PSMF1: variants seen among roughly 807,000 people sequenced by gnomAD.
PSMF1 encodes the protein proteasome inhibitor PI31 subunit.
Under a neutral mutation model 29.3 loss-of-function variants are expected in PSMF1, and 30 were observed. That is an observed-to-expected ratio of 1.02 (90% CI 0.77 to 1.39). PSMF1 has a LOEUF of 1.39. PSMF1 is among the 40% of genes most tolerant of loss of function. The pLI, the probability that PSMF1 is intolerant of heterozygous loss-of-function variation, is 0.00. For synonymous variants in PSMF1, 134 were observed against 139.7 expected, an observed-to-expected ratio of 0.96 and a Z score of 0.29; for missense variants, 344 against 357.5, an observed-to-expected ratio of 0.96 and a Z score of 0.31.
At chr20:1,147,173 TCATCAC>T (rs1555763487) in intron 4 of PSMF1, among the ~76,000 whole-genome samples, 1,418 of 111,156 alleles carry the variant, frequency 0.013, 26 homozygotes, top group African/African-American at 0.046. Flanking sequence ...ATCATCATCA[TCATCAC>T]CACCCTGTGT....
upstream of PSMF1, among the ~76,000 whole-genome samples, chr20:1,117,277 C>G (rs1440721147): frequency 6.6e-6 from 1 of 151,538 alleles, no homozygotes; most frequent in Non-Finnish European, 1.5e-5. Flanking sequence ...ATGGGGAGGA[C>G]TTTACTTTTC....
chr20:1,135,035 C>A, intron 3 of PSMF1, 86 bp from the exon 4 acceptor site: 1 of 1,403,708 alleles, frequency 7.1e-7, no homozygotes, highest in East Asian at 2.3e-5. Context: ...TCAGGGCCGC[C>A]GCCGCCGCCG....
chr20:1,134,684 T>G (rs1313201671), intron 3 of PSMF1, among the ~76,000 whole-genome samples: 1 of 152,146 alleles, frequency 6.6e-6, no homozygotes, highest in Non-Finnish European at 1.5e-5. Flanking sequence ...AACTGGACCT[T>G]GAACCCCCAG....
rs1259399442 is a variant in PSMF1, at chr20:1,168,061, T to G, written c.*2981T>G. The G allele has an allele frequency of 6.6e-6, 1 of 152,236 alleles. No individual in the cohort carries two copies. Among genetic ancestry groups the G allele is most frequent in the Non-Finnish European group, 1.5e-5 (1 of 68,034 alleles). 9.4% of individuals were successfully genotyped at this position (152,236 alleles called of 1,614,324 possible). Reference sequence around the variant, plus strand: ...GTGAAGTAGCATCTCATTGTGGTCTTCTCTTCCATTTTTTAAAAAAGAATT... The same window carrying G: ...GTGAAGTAGCATCTCATTGTGGTCTGCTCTTCCATTTTTTAAAAAAGAATT... On this transcript the variant is annotated 3_prime_UTR_variant, in exon 7 of 7. Coordinates refer to ENST00000335877, the MANE Select transcript of PSMF1 (RefSeq NM_006814.5).
At chr20:1,124,599 A>G (rs1026318245) in intron 1 of PSMF1, among the ~76,000 whole-genome samples, 8 of 152,378 alleles carry the variant, frequency 5.3e-5, no homozygotes. Context: ...TCATAGCAGC[A>G]TTGTTTATAA....
At chr20:1,127,934 C>G (rs959063408) in intron 3 of PSMF1, among the ~76,000 whole-genome samples, 7 of 152,168 alleles carry the variant, frequency 4.6e-5, no homozygotes, top group East Asian at 1.9e-4. Context: ...ACCTCCTGCT[C>G]CCATACACCC....
upstream of PSMF1, among the ~76,000 whole-genome samples, chr20:1,115,199 G>T (rs1228689546): frequency 7.6e-6 from 1 of 131,926 alleles, no homozygotes; most frequent in Non-Finnish European, 1.6e-5. Flanking sequence ...TTGAACCACG[G>T]GGTGGGGGTG....
chr20:1,149,306 A>G (rs1457024214), intron 4 of PSMF1, among the ~76,000 whole-genome samples: 1 of 152,244 alleles, frequency 6.6e-6, no homozygotes, highest in Non-Finnish European at 1.5e-5. Flanking sequence ...TGAACTTGTT[A>G]TATATCTGTT....
chr20:1,135,971 T>C (rs2086300973), intron 4 of PSMF1, among the ~76,000 whole-genome samples: 1 of 152,148 alleles, frequency 6.6e-6, no homozygotes, highest in African/African-American at 2.4e-5. Context: ...ATACTGTTGG[T>C]AGGGATAAGG....
Position 1,165,433 on chromosome 20 carries a change from A to G in PSMF1, c.*353A>G, listed in dbSNP as rs1196545772. The stretch of plus-strand genomic sequence containing the variant: ...AAGAACAGAACGCATTTTGGATGTT[A>G]TTATTAAGAACCAAATGTCAATACA... On this transcript the variant is annotated 3_prime_UTR_variant, in exon 7 of 7. Coordinates refer to ENST00000335877, the MANE Select transcript of PSMF1 (RefSeq NM_006814.5). 5.4e-6 allele frequency: 6 copies of G among 1,103,414 alleles called. No individual in the cohort carries two copies. Among genetic ancestry groups the G allele is most frequent in the African/African-American group, 1.6e-5 (1 of 61,246 alleles). The allele number at this position is 1,103,414 out of a possible 1,614,324, so 68.4% of individuals were successfully genotyped here. A position where few individuals can be genotyped will look rare whatever the true frequency, so the allele number is the denominator to read the frequency against.
intron 4 of PSMF1, among the ~76,000 whole-genome samples, chr20:1,155,436 C>G (rs2086582547): frequency 6.6e-6 from 1 of 152,252 alleles, no homozygotes; most frequent in African/African-American, 2.4e-5. Flanking sequence ...TCCCTTTGTC[C>G]TCCCTCCACT....
At chr20:1,132,266 C>CT (rs796371340) in intron 3 of PSMF1, among the ~76,000 whole-genome samples, 62 of 144,586 alleles carry the variant, frequency 4.3e-4, no homozygotes, top group Middle Eastern at 3.5e-3. Flanking sequence ...TTTTTTCTTT[C>CT]TTTTTTTTTT....
In PSMF1 at chr20:1,172,002, A is replaced by G. The variant is rs1421052152; in HGVS notation, c.*6922A>G. Among the ~76,000 whole-genome samples the G allele has an allele frequency of 6.6e-6, 1 of 152,164 alleles. No homozygotes were observed. Among genetic ancestry groups the G allele is most frequent in the Non-Finnish European group, 1.5e-5 (1 of 68,028 alleles). The stretch of plus-strand genomic sequence containing the variant: ...AAGTTTGGCTTTCCCCATCTGTAAA[A>G]TGTAGATAAGGATGGACCCACCTCC... On this transcript the variant is annotated 3_prime_UTR_variant, in exon 7 of 7. Transcript: ENST00000335877.
intron 4 of PSMF1, among the ~76,000 whole-genome samples, chr20:1,153,687 T>C (rs562713840): frequency 5.6e-4 from 86 of 152,300 alleles, no homozygotes; most frequent in African/African-American, 2.0e-3. Context: ...ATGTGAAATA[T>C]ATCTTTCTTC....
chr20:1,133,569 A>ATTTTTTTT (rs1217034678), intron 3 of PSMF1, among the ~76,000 whole-genome samples: 7 of 53,290 alleles, frequency 1.3e-4, no homozygotes, highest in East Asian at 3.1e-4. Flanking sequence ...ATATATATAT[A>ATTTTTTTT]TTTTTTTTTT....
rs1851197495 is a variant in PSMF1 at position 1,165,884 on chromosome 20, G to T, written c.*804G>T. ...TAATCTTATTTTTGCCACTAACTTA[G>T]TGAATGACCCTAAGCAAGTTCCTTC... On this transcript the variant is annotated 3_prime_UTR_variant, in exon 7 of 7. Transcript: ENST00000335877. 5.0e-6 allele frequency: 6 copies of T among 1,199,158 alleles called. No homozygotes were observed. The highest frequency in any genetic ancestry group is 6.3e-6 in the Non-Finnish European group (6 of 958,358). The allele number at this position is 1,199,158 out of a possible 1,614,324, so 74.3% of individuals were successfully genotyped here. A position where few individuals can be genotyped will look rare whatever the true frequency, so the allele number is the denominator to read the frequency against.
chr20:1,155,259 CAGAG>C (rs2086579820), intron 4 of PSMF1, among the ~76,000 whole-genome samples: 1 of 152,216 alleles, frequency 6.6e-6, no homozygotes, highest in Non-Finnish European at 1.5e-5. Flanking sequence ...TACAAATGCT[CAGAG>C]AGAGTGGGAA....
At chr20:1,128,404 A>C (rs746552758) in intron 3 of PSMF1, among the ~76,000 whole-genome samples, 1 of 152,222 alleles carries the variant, frequency 6.6e-6, no homozygotes, top group Non-Finnish European at 1.5e-5. Flanking sequence ...CCTGATTCCC[A>C]GCAGCATCAA....
intron 1 of PSMF1, among the ~76,000 whole-genome samples, chr20:1,122,825 C>T (rs1280916498): frequency 6.6e-6 from 1 of 152,216 alleles, no homozygotes; most frequent in Non-Finnish European, 1.5e-5. Flanking sequence ...CAGGGATTTT[C>T]TGTAACTCTG....
Sources: gnomAD v4.1 joint callset for allele counts (sites outside exome capture counted in the v4.1 genomes callset) on GRCh38, gnomAD v4.1.1 for gene constraint, MANE v1.5 for transcripts, NCBI Gene and HGNC (gene_info 2026-07-23, HGNC 2026-07-21) for gene names.